The following PTPRT variants were observed in gnomAD, a reference collection of about 807,000 sequenced individuals.
The protein encoded by PTPRT is receptor-type tyrosine-protein phosphatase T.
A neutral mutation model predicts 176.8 loss-of-function variants in PTPRT; 56 were observed. The ratio of observed to expected loss-of-function variants is 0.32; its 90% CI spans 0.26 to 0.40. The LOEUF (loss-of-function observed/expected upper bound fraction) is 0.40. Ranked by LOEUF, PTPRT falls within the 10% of genes least tolerant of loss-of-function variation. The pLI is 1.00. For missense variants in PTPRT, 1,540 were observed against 1,908.2 expected (o/e 0.81, Z 3.60); for synonymous variants, 783 against 739.0 (o/e 1.06, Z -0.96).
intron 2 of PTPRT, among the ~76,000 whole-genome samples, chr20:42,831,302 T>TA (rs2078082677): frequency 1.3e-5 from 2 of 152,126 alleles, no homozygotes; most frequent in Admixed American, 1.3e-4. Context: ...CAATAAATGG[T>TA]ACTGGGATAA....
intron 19 of PTPRT, among the ~76,000 whole-genome samples, chr20:42,122,235 G>C (rs1276007953): frequency 6.6e-6 from 1 of 152,146 alleles, no homozygotes; most frequent in East Asian, 1.9e-4. Flanking sequence ...TAAATGAGTT[G>C]ATATATAACA....
chr20:42,199,127 G>A, intron 16 of PTPRT, 113 bp downstream of exon 16: 3 of 1,253,296 alleles, frequency 2.4e-6, no homozygotes, highest in Non-Finnish European at 3.3e-6. Context: ...TATCAGGCAA[G>A]CATCCATACC....
chr20:42,931,448 G>A (rs775224769), intron 1 of PTPRT, among the ~76,000 whole-genome samples: 31 of 152,158 alleles, frequency 2.0e-4, no homozygotes, highest in African/African-American at 7.5e-4. Context: ...TTTAAGCCAC[G>A]CAGTCTATGC....
chr20:42,797,073 T>C (rs1280945403), intron 2 of PTPRT, among the ~76,000 whole-genome samples: 2 of 152,196 alleles, frequency 1.3e-5, no homozygotes, highest in East Asian at 3.9e-4. Flanking sequence ...AAAGTTTTGT[T>C]TCAGTGTAGC....
chr20:42,890,465 C>T (rs2079173599), intron 1 of PTPRT, among the ~76,000 whole-genome samples: 1 of 152,130 alleles, frequency 6.6e-6, no homozygotes. Context: ...AAGATGATTG[C>T]AATGAACCTT....
At chr20:43,151,247 G>A (rs778337440) in intron 1 of PTPRT, among the ~76,000 whole-genome samples, 7 of 150,692 alleles carry the variant, frequency 4.6e-5, no homozygotes, top group East Asian at 2.0e-4. Context: ...CGGAGGTTGC[G>A]GTGAGCTGAG....
At chr20:42,253,674 C>A (rs1189956284) in intron 13 of PTPRT, among the ~76,000 whole-genome samples, 1 of 152,136 alleles carries the variant, frequency 6.6e-6, no homozygotes, top group African/African-American at 2.4e-5. Context: ...ATTGGGGAAG[C>A]TTTGAGGCTC....
intron 2 of PTPRT, among the ~76,000 whole-genome samples, chr20:42,877,737 G>A (rs1361170182): frequency 6.6e-6 from 1 of 152,162 alleles, no homozygotes; most frequent in East Asian, 1.9e-4. Flanking sequence ...GAACAAGCTT[G>A]CAGTTCATCC....
chr20:42,591,071 C>A (rs1303843776), intron 7 of PTPRT, among the ~76,000 whole-genome samples: 1 of 150,294 alleles, frequency 6.7e-6, no homozygotes, highest in African/African-American at 2.4e-5. Context: ...ATTTTAAATG[C>A]AAAAAGAAAT....
At chr20:42,192,058 A>G (rs966467760) in intron 16 of PTPRT, among the ~76,000 whole-genome samples, 4 of 152,178 alleles carry the variant, frequency 2.6e-5, no homozygotes, top group African/African-American at 9.7e-5. Flanking sequence ...TGAAATCAAG[A>G]TAATGATTCC....
intron 6 of PTPRT, among the ~76,000 whole-genome samples, chr20:42,684,179 C>T (rs544817967): frequency 2.6e-5 from 4 of 152,052 alleles, no homozygotes; most frequent in African/African-American, 9.6e-5. Flanking sequence ...ATGGTGAAAC[C>T]CTGTCTCTAC....
At chr20:42,753,742 G>A (rs1003412410) in intron 6 of PTPRT, among the ~76,000 whole-genome samples, 7 of 152,184 alleles carry the variant, frequency 4.6e-5, no homozygotes, top group African/African-American at 9.6e-5. Flanking sequence ...CAGTGTCCCC[G>A]TAAACCCTGG....
intron 9 of PTPRT, among the ~76,000 whole-genome samples, chr20:42,375,189 G>A (rs777595185): frequency 6.6e-6 from 1 of 152,146 alleles, no homozygotes; most frequent in South Asian, 2.1e-4. Context: ...AATGGAAGGG[G>A]ACAGTCATGT....
intron 20 of PTPRT, 136 bp from the exon 21 acceptor site, chr20:42,118,636 G>A: frequency 3.4e-6 from 2 of 594,738 alleles, no homozygotes; most frequent in South Asian, 2.2e-5. Context: ...AAGACACCAA[G>A]TATCTGAGAC....
At chr20:43,111,329 G>C (rs1281461429) in intron 1 of PTPRT, among the ~76,000 whole-genome samples, 2 of 151,970 alleles carry the variant, frequency 1.3e-5, no homozygotes, top group Non-Finnish European at 2.9e-5. Flanking sequence ...CACGAGGTCA[G>C]GAGTTTGAGA....
intron 7 of PTPRT, among the ~76,000 whole-genome samples, chr20:42,477,838 C>T (rs1181889884): frequency 6.6e-6 from 1 of 152,178 alleles, no homozygotes; most frequent in Non-Finnish European, 1.5e-5. Context: ...GATGCACCTT[C>T]TGTATGCTCT....
intron 1 of PTPRT, among the ~76,000 whole-genome samples, chr20:43,020,127 T>C (rs1008585684): frequency 9.4e-4 from 126 of 134,486 alleles, no homozygotes; most frequent in African/African-American, 3.5e-3. Context: ...TATATATATA[T>C]ACATATGCAT....
chr20:42,491,133 A>T (rs1256195366), intron 7 of PTPRT, among the ~76,000 whole-genome samples: 1 of 152,172 alleles, frequency 6.6e-6, no homozygotes, highest in Non-Finnish European at 1.5e-5. Context: ...TTATTTTTGT[A>T]AAACAGTGTT....
In PTPRT at chr20:42,745,458, C is replaced by T. The variant is rs1272946276; in HGVS notation, c.859+11004G>A. 2.0e-5 allele frequency among the ~76,000 whole-genome samples: 3 copies of T among 152,128 alleles called. No individual in the cohort carries two copies. In the East Asian group the frequency reaches 5.8e-4, roughly 29 times the overall value. The stretch of plus-strand genomic sequence containing the variant: ...GTTTAACAGCATCTCTGGGCTCCAC[C>T]CACTAGATGTCAGTACCCCCCCTCT... On this transcript the variant is annotated intron_variant, in intron 6 of 30. Coordinates refer to ENST00000373187, the MANE Select transcript of PTPRT (RefSeq NM_007050.6).
Sources: gnomAD v4.1 joint callset for allele counts (sites outside exome capture counted in the v4.1 genomes callset) on GRCh38, gnomAD v4.1.1 for gene constraint, MANE v1.5 for transcripts, NCBI Gene and HGNC (gene_info 2026-07-23, HGNC 2026-07-21) for gene names.